Variants in NBAS observed in about 807,000 individuals in gnomAD.
NBAS encodes NAG/BC035112 fusion.
In NBAS, 219 loss-of-function variants were observed where a neutral mutation model predicts 302.5. The observed-to-expected ratio is 0.72, with a 90% CI of 0.65 to 0.81. The LOEUF (loss-of-function observed/expected upper bound fraction) is 0.81. Ranked by LOEUF, NBAS falls within the 30% of genes least tolerant of loss-of-function variation. The pLI, the probability that NBAS is intolerant of heterozygous loss-of-function variation, is 0.00. For synonymous variants in NBAS, 1,118 were observed against 1,021.6 expected (o/e 1.09, Z -1.80); for missense variants, 2,932 against 2,841.6 (o/e 1.03, Z -0.72).
intron 35 of NBAS, among the ~76,000 whole-genome samples, chr2:15,334,957 ATT>A (rs2148247724): frequency 6.6e-6 from 1 of 152,208 alleles, no homozygotes; most frequent in East Asian, 1.9e-4. Context: ...GCATAAATTA[ATT>A]TTGTCTATTT....
At chr2:15,040,421 T>G in the NBAS span, among the ~76,000 whole-genome samples, 1 of 152,210 alleles carries the variant, frequency 6.6e-6, no homozygotes, top group Non-Finnish European at 1.5e-5. Context: ...TGGCTGAGTC[T>G]TAAGCACATG....
At chr2:14,880,737 A>C in the NBAS span, among the ~76,000 whole-genome samples, 1 of 152,060 alleles carries the variant, frequency 6.6e-6, no homozygotes, top group African/African-American at 2.4e-5. Context: ...AAACTACAAC[A>C]ATGTAACAGA....
At chr2:15,559,442 G>A (rs568879645) in intron 1 of NBAS, among the ~76,000 whole-genome samples, 1 of 152,298 alleles carries the variant, frequency 6.6e-6, no homozygotes, top group African/African-American at 2.4e-5. Flanking sequence ...ACACACCGTG[G>A]GTAGGTTCAT....
At chr2:15,353,463 T>G (rs1368195989) in intron 34 of NBAS, 90 bp downstream of exon 34, 1 of 1,482,160 alleles carries the variant, frequency 6.7e-7, no homozygotes, top group Non-Finnish European at 9.4e-7. Context: ...ATTCTCATAC[T>G]ACTTTTTTAA....
At chr2:15,069,842 C>T in the NBAS span, among the ~76,000 whole-genome samples, 4 of 152,096 alleles carry the variant, frequency 2.6e-5, no homozygotes, top group Middle Eastern at 3.2e-3. Flanking sequence ...TTAAAAAATG[C>T]GAGTAGATCA....
At chr2:15,397,649 A>C (rs944680526) in intron 26 of NBAS, 2 of 559,544 alleles carry the variant, frequency 3.6e-6, no homozygotes, top group Non-Finnish European at 3.3e-6. Flanking sequence ...TGTGGCCTCC[A>C]CTATGTTTCA....
At chr2:15,042,477 A>G in the NBAS span, among the ~76,000 whole-genome samples, 1 of 152,358 alleles carries the variant, frequency 6.6e-6, no homozygotes, top group African/African-American at 2.4e-5. Flanking sequence ...CAATCAGGCT[A>G]AAATAACTAC....
At chr2:14,793,936 G>C in the NBAS span, among the ~76,000 whole-genome samples, 1 of 152,066 alleles carries the variant, frequency 6.6e-6, no homozygotes, top group Non-Finnish European at 1.5e-5. Context: ...TGCTAACTGT[G>C]ATCTATATCT....
the NBAS span, among the ~76,000 whole-genome samples, chr2:15,118,082 G>A: frequency 1.3e-5 from 2 of 152,204 alleles, no homozygotes; most frequent in Admixed American, 1.3e-4. Context: ...TTATTGACTT[G>A]TCCTGGTAAT....
chr2:14,821,477 A>AATGCT, the NBAS span, among the ~76,000 whole-genome samples: 1 of 152,070 alleles, frequency 6.6e-6, no homozygotes, highest in Admixed American at 6.5e-5. Flanking sequence ...TCAGCTCAGG[A>AATGCT]ATGCTTCACC....
At position 15,319,107 on chromosome 2, in the gene NBAS, C is replaced by T. The variant is rs537162812; in HGVS notation, c.4582+8643G>A. Among the ~76,000 whole-genome samples, 4 of 152,286 alleles carry T rather than the reference C, an allele frequency of 2.6e-5. No individual in the cohort carries two copies. In the South Asian group the frequency reaches 8.3e-4, roughly 32 times the overall value. ...GGATTAAGAAACTCACTCAAAACCA[C>T]ACAACAACATGGAAAGTGAACAACC... On this transcript the variant is annotated intron_variant, in intron 38 of 51. Coordinates refer to ENST00000281513, the MANE Select transcript of NBAS (RefSeq NM_015909.4).
chr2:15,283,184 A>G (rs187296009), intron 42 of NBAS, among the ~76,000 whole-genome samples: 36 of 152,336 alleles, frequency 2.4e-4, no homozygotes, highest in Admixed American at 2.2e-3. Flanking sequence ...TAAATGTGGT[A>G]CTATTATATC....
At chr2:15,399,510 C>T (rs548212802) in intron 26 of NBAS, among the ~76,000 whole-genome samples, 1 of 149,256 alleles carries the variant, frequency 6.7e-6, no homozygotes, top group African/African-American at 2.6e-5. Context: ...TTCTCAGAGA[C>T]ACACTTGCTA....
At chr2:14,975,167 C>T in the NBAS span, among the ~76,000 whole-genome samples, 2 of 152,120 alleles carry the variant, frequency 1.3e-5, no homozygotes, top group African/African-American at 4.8e-5. Context: ...GAGCTTAGGC[C>T]AGCCATCATT....
At chr2:15,351,474 C>T (rs1234170350) in intron 35 of NBAS, among the ~76,000 whole-genome samples, 1 of 151,900 alleles carries the variant, frequency 6.6e-6, no homozygotes, top group African/African-American at 2.4e-5. Flanking sequence ...GTCAGGAGTT[C>T]GAGACGAGCC....
the NBAS span, among the ~76,000 whole-genome samples, chr2:15,119,303 CTTTT>C: frequency 9.3e-6 from 1 of 107,764 alleles, no homozygotes. Context: ...GAAATCCTTT[CTTTT>C]TTTTTTTTTT....
chr2:15,474,299 C>T lies in NBAS; in HGVS notation c.1367G>A (p.Arg456Gln). ...LECEIKLAPK[R>Q]SRLETRAGEE... ...TCCAGCTCTAGTCTCCAAACGAGAT[C>T]GTTTGGGGGCAAGTTTAATCTCACA... Residue 456 changes from arginine to glutamine, a missense_variant, in exon 15 of 52, where the codon CGA (arginine) becomes CAA (glutamine). Physicochemically the swap from Arg to Gln is conservative, Grantham distance 43. Transcript: ENST00000281513. The T allele has an allele frequency of 5.0e-6, 8 of 1,613,392 alleles. No individual in the cohort carries two copies. Among genetic ancestry groups the T allele is most frequent in the Admixed American group, 3.3e-5 (2 of 59,972 alleles).
intron 25 of NBAS, among the ~76,000 whole-genome samples, chr2:15,409,999 C>T (rs534738721): frequency 6.6e-6 from 1 of 152,264 alleles, no homozygotes; most frequent in Middle Eastern, 3.4e-3. Context: ...GTTAGGCAAG[C>T]CTGTTGTTTG....
At chr2:15,116,409 C>CAGAGAG in the NBAS span, among the ~76,000 whole-genome samples, 111 of 150,100 alleles carry the variant, frequency 7.4e-4, no homozygotes, top group African/African-American at 1.8e-3. Flanking sequence ...CCCCACATGG[C>CAGAGAG]AGAGAGAGAG....
Sources: gnomAD v4.1 joint callset for allele counts (sites outside exome capture counted in the v4.1 genomes callset) on GRCh38, gnomAD v4.1.1 for gene constraint, MANE v1.5 for transcripts, NCBI Gene and HGNC (gene_info 2026-07-23, HGNC 2026-07-21) for gene names.